Variants in ROBO2 observed in about 807,000 individuals in gnomAD.
ROBO2 encodes the protein roundabout guidance receptor 2.
In ROBO2, 53 loss-of-function variants were observed where a neutral mutation model predicts 160.8. That is an observed-to-expected ratio of 0.33 (90% confidence interval 0.26 to 0.41). The LOEUF (loss-of-function observed/expected upper bound fraction) is 0.41, where lower values mean the gene tolerates loss of function less well. ROBO2 is among the 10% of genes least tolerant of loss of function. ROBO2 has a pLI of 1.00. For missense variants in ROBO2, 1,577 were observed against 1,722.4 expected, an observed-to-expected ratio of 0.92 and a Z score of 1.49; for synonymous variants, 664 against 611.7, an observed-to-expected ratio of 1.09 and a Z score of -1.26.
intron 11 of ROBO2, 27 bp downstream of exon 12, chr3:77,563,356 C>T (rs1459807589): frequency 6.2e-7 from 1 of 1,611,118 alleles, no homozygotes; most frequent in South Asian, 1.1e-5. Flanking sequence ...TCTTTCTCCA[C>T]TGGGTTTTGT....
Position 77,213,719 on chromosome 3 carries a change from G to A in ROBO2, c.388+115379G>A, listed in dbSNP as rs1171202541. Among the ~76,000 whole-genome samples, 4 of 151,832 alleles carry A rather than the reference G, an allele frequency of 2.6e-5. No individual in the cohort carries two copies. In the East Asian group the frequency reaches 7.7e-4, roughly 29 times the overall value. The stretch of plus-strand genomic sequence containing the variant: ...CTGCTTTCTCTTGTGGGCATTTAGT[G>A]CTATAAATTTCCCTCTACACACTGC... On this transcript the variant is annotated intron_variant, in intron 2 of 25. Coordinates refer to ENST00000461745, the Ensembl canonical transcript of ROBO2.
intron 2 of ROBO2, among the ~76,000 whole-genome samples, chr3:76,352,154 C>G (rs1426623431): frequency 6.6e-6 from 1 of 151,882 alleles, no homozygotes; most frequent in Non-Finnish European, 1.5e-5. Flanking sequence ...AATTCCCTCC[C>G]CAAGTTGAGA....
intron 2 of ROBO2, among the ~76,000 whole-genome samples, chr3:76,758,683 AGG>A (rs1254008944): frequency 1.3e-5 from 2 of 151,844 alleles, no homozygotes; most frequent in East Asian, 3.9e-4. Flanking sequence ...CTATGATCAA[AGG>A]TGATCTACAA....
chr3:76,811,838 T>TTCCTTCC (rs2065206592), intron 2 of ROBO2, among the ~76,000 whole-genome samples: 3 of 33,442 alleles, frequency 9.0e-5, no homozygotes, highest in African/African-American at 1.3e-4. Flanking sequence ...TCCTTCCTTC[T>TTCCTTCC]TTCCTTCCTT....
At chr3:76,263,066 A>T (rs961989341) in intron 2 of ROBO2, among the ~76,000 whole-genome samples, 5 of 152,096 alleles carry the variant, frequency 3.3e-5, no homozygotes, top group African/African-American at 1.2e-4. Flanking sequence ...AATCTCCCGA[A>T]TATTGTATTT....
chr3:76,331,124 G>A (rs1043399419), intron 2 of ROBO2, among the ~76,000 whole-genome samples: 1 of 152,094 alleles, frequency 6.6e-6, no homozygotes, highest in African/African-American at 2.4e-5. Context: ...TGAGCCCATG[G>A]CGGTAATGTA....
At chr3:76,755,289 T>C (rs2060904522) in intron 2 of ROBO2, among the ~76,000 whole-genome samples, 1 of 151,860 alleles carries the variant, frequency 6.6e-6, no homozygotes, top group Non-Finnish European at 1.5e-5. Flanking sequence ...ATGTGCTGCT[T>C]CAAATAAACT....
chr3:77,459,452 G>A (rs2082012014), intron 2 of ROBO2, among the ~76,000 whole-genome samples: 1 of 152,188 alleles, frequency 6.6e-6, no homozygotes, highest in South Asian at 2.1e-4. Flanking sequence ...TGTGTGCTAA[G>A]GATACCATTC....
At chr3:76,784,322 A>G (rs1056639458) in intron 2 of ROBO2, among the ~76,000 whole-genome samples, 1 of 151,068 alleles carries the variant, frequency 6.6e-6, no homozygotes, top group African/African-American at 2.4e-5. Flanking sequence ...GATCTTTCCC[A>G]TGAGTATATC....
chr3:76,573,168 A>G (rs933357240), intron 2 of ROBO2, among the ~76,000 whole-genome samples: 19 of 152,250 alleles, frequency 1.2e-4, no homozygotes, highest in African/African-American at 4.6e-4. Context: ...TTTGAGGTCA[A>G]ATAGATCTGG....
chr3:76,009,787 T>C (rs142485090), intron 2 of ROBO2, among the ~76,000 whole-genome samples: 17 of 152,254 alleles, frequency 1.1e-4, no homozygotes, highest in African/African-American at 3.9e-4. Flanking sequence ...AATATTTTCC[T>C]TAAAGGTTGG....
intron 2 of ROBO2, among the ~76,000 whole-genome samples, chr3:77,458,377 G>A (rs951468667): frequency 1.3e-5 from 2 of 152,336 alleles, no homozygotes; most frequent in East Asian, 1.9e-4. Flanking sequence ...TAATAACGGT[G>A]AATGAGGAGA....
chr3:76,291,669 AC>A (rs1348732916), intron 2 of ROBO2, among the ~76,000 whole-genome samples: 1 of 152,060 alleles, frequency 6.6e-6, no homozygotes, highest in Admixed American at 6.6e-5. Context: ...TTAGTGCTTT[AC>A]TTTCCTATTA....
intron 2 of ROBO2, among the ~76,000 whole-genome samples, chr3:77,108,515 G>A (rs933356279): frequency 6.6e-6 from 1 of 152,020 alleles, no homozygotes; most frequent in South Asian, 2.1e-4. Context: ...AAACATCTTT[G>A]TTGGGTTTCC....
At chr3:77,293,532 G>C (rs2153397559) in intron 2 of ROBO2, among the ~76,000 whole-genome samples, 1 of 147,088 alleles carries the variant, frequency 6.8e-6, no homozygotes, top group Non-Finnish European at 1.5e-5. Flanking sequence ...AAATGGGTAA[G>C]CTGAGGCTAG....
chr3:76,885,432 A>G (rs2073778676), intron 2 of ROBO2, among the ~76,000 whole-genome samples: 1 of 152,224 alleles, frequency 6.6e-6, no homozygotes, highest in Non-Finnish European at 1.5e-5. Flanking sequence ...ATCTGATATT[A>G]TAAGATTTCA....
At chr3:76,549,755 C>T (rs1474926364) in intron 2 of ROBO2, among the ~76,000 whole-genome samples, 1 of 152,138 alleles carries the variant, frequency 6.6e-6, no homozygotes, top group Non-Finnish European at 1.5e-5. Context: ...GAAAATTCTT[C>T]CTTAGGTTTG....
chr3:76,056,307 C>G (rs2107843969), intron 2 of ROBO2, among the ~76,000 whole-genome samples: 1 of 152,248 alleles, frequency 6.6e-6, no homozygotes, highest in East Asian at 1.9e-4. Flanking sequence ...CAAGGGATGA[C>G]TGTATTCAGA....
At chr3:76,168,513 T>C (rs1435676571) in intron 2 of ROBO2, among the ~76,000 whole-genome samples, 1 of 152,194 alleles carries the variant, frequency 6.6e-6, no homozygotes, top group Non-Finnish European at 1.5e-5. Context: ...ATTTTCTCTC[T>C]GTATTCCAAA....
Sources: allele counts gnomAD v4.1 joint callset (sites outside exome capture counted in the v4.1 genomes callset), GRCh38; gene constraint gnomAD v4.1.1; transcripts MANE v1.5; gene names NCBI Gene and HGNC (gene_info 2026-07-23, HGNC 2026-07-21).